The following PUS10 variants were observed in gnomAD, a reference collection of about 807,000 sequenced individuals.
PUS10 encodes pseudouridine synthase 10.
PUS10 carries 59 observed loss-of-function variants against 75.0 expected under a neutral mutation model. The ratio of observed to expected loss-of-function variants is 0.79; its 90% CI spans 0.64 to 0.98. The LOEUF is 0.98. PUS10 is among the 50% of genes least tolerant of loss of function. PUS10 has a pLI of 0.00. For missense variants in PUS10, 650 were observed against 614.4 expected (o/e 1.06, Z -0.61); for synonymous variants, 219 against 211.6 (o/e 1.03, Z -0.30).
At chr2:60,975,842 CCCT>C (rs1281170576) in intron 4 of PUS10, among the ~76,000 whole-genome samples, 3 of 151,846 alleles carry the variant, frequency 2.0e-5, no homozygotes, top group Non-Finnish European at 4.4e-5. Context: ...GCTCACTGCA[CCCT>C]CCTCCTCCCC....
intron 4 of PUS10, among the ~76,000 whole-genome samples, chr2:60,978,070 G>A (rs1031333342): frequency 6.6e-6 from 1 of 152,020 alleles, no homozygotes; most frequent in African/African-American, 2.4e-5. Context: ...AAGGATCCTC[G>A]GCTCAGTCTT....
intron 4 of PUS10, among the ~76,000 whole-genome samples, chr2:61,005,305 AC>A (rs368409391): frequency 1.3e-5 from 2 of 152,308 alleles, no homozygotes; most frequent in African/African-American, 4.8e-5. Flanking sequence ...TGTTTCTAAT[AC>A]GGAATATAAA....
intron 4 of PUS10, among the ~76,000 whole-genome samples, chr2:60,989,808 A>G (rs1163347944): frequency 6.6e-6 from 1 of 152,082 alleles, no homozygotes; most frequent in East Asian, 1.9e-4. Flanking sequence ...TATTTTTAGT[A>G]GAGATGGGCT....
intron 4 of PUS10, among the ~76,000 whole-genome samples, chr2:60,987,582 T>C (rs1354176447): frequency 1.3e-5 from 2 of 152,302 alleles, no homozygotes; most frequent in South Asian, 4.1e-4. Context: ...GGCAATGTGA[T>C]GAGCTATTCA....
Position 61,011,785 on chromosome 2 carries a change from G to A in PUS10, c.106C>T (p.Pro36Ser). The change falls in exon 2 of 18, where the codon CCT becomes TCT. Residue 36 changes from proline (P) to serine (S), a missense_variant. Physicochemically the swap from Pro to Ser is moderately conservative, Grantham distance 74. Transcript: ENST00000316752. ...FRFCGVDFHAPYKLPYKELLN... is the reference protein window; with the variant it reads ...FRFCGVDFHASYKLPYKELLN... ...AATACCTTGTATGGAAGTTTGTAAGGTGCATGAAAATCCACACCACAGAAT... is the reference window on the plus strand; with the variant it reads ...AATACCTTGTATGGAAGTTTGTAAGATGCATGAAAATCCACACCACAGAAT... The A allele has an allele frequency of 6.2e-7, 1 of 1,600,788 alleles. No homozygotes were observed. Among genetic ancestry groups the A allele is most frequent in the Non-Finnish European group, 8.5e-7 (1 of 1,173,954 alleles).
intron 1 of PUS10, chr2:61,017,763 G>A (rs1258736139): frequency 1.9e-6 from 3 of 1,549,322 alleles, no homozygotes; most frequent in East Asian, 2.4e-5. Flanking sequence ...GGAGGAGATG[G>A]CGTCCCAGCC....
In PUS10 at chr2:60,955,024, C is replaced by A. The variant is rs1675562271; in HGVS notation, c.1051G>T (p.Gly351Ter). Residue 351 changes from glycine to a stop codon, truncating the protein, a stop_gained, in exon 12 of 18, where the codon GGA becomes TGA. Transcript: ENST00000316752. LOFTEE classifies it high-confidence loss of function. ...GATGCTGTTGCAGTCTTACCATTTC[C>A]TAATGTTCTCACATCTACATCTTCT... is the stretch of plus-strand genomic sequence containing the variant. ...GREDVDVRTL[G>*]NGRPFAIELV... 2 of 1,582,848 alleles carry A rather than the reference C, an allele frequency of 1.3e-6. No homozygotes were observed. The highest frequency in any genetic ancestry group is 2.3e-5 in the East Asian group (1 of 43,788).
intron 4 of PUS10, among the ~76,000 whole-genome samples, chr2:60,988,470 A>G (rs1160365131): frequency 2.0e-5 from 3 of 152,200 alleles, no homozygotes; most frequent in Non-Finnish European, 1.5e-5. Flanking sequence ...AAAAAAAAAC[A>G]ATATAGTACA....
intron 4 of PUS10, among the ~76,000 whole-genome samples, chr2:60,997,327 G>T (rs549893491): frequency 6.6e-6 from 1 of 152,248 alleles, no homozygotes; most frequent in Non-Finnish European, 1.5e-5. Flanking sequence ...AGGACTTAGT[G>T]GGGCCAGGCG....
At chr2:60,948,444 T>C (rs1675126072) in intron 15 of PUS10, among the ~76,000 whole-genome samples, 1 of 152,200 alleles carries the variant, frequency 6.6e-6, no homozygotes, top group Non-Finnish European at 1.5e-5. Flanking sequence ...GCCAGGCTAA[T>C]CTCCAACTCC....
intron 3 of PUS10, 23 bp from the exon 4 acceptor site, chr2:61,006,666 T>C: frequency 6.4e-7 from 1 of 1,573,026 alleles, no homozygotes. Flanking sequence ...TACAATTATG[T>C]AAATTCCCAG....
intron 1 of PUS10, 118 bp downstream of exon 1, chr2:61,017,890 C>T (rs755585555): frequency 1.7e-5 from 26 of 1,534,688 alleles, no homozygotes; most frequent in Non-Finnish European, 2.2e-5. Flanking sequence ...TTTAGTGGGC[C>T]CGAGCGGGGA....
chr2:61,016,843 G>A lies in PUS10; in HGVS notation c.-16+1165C>T, dbSNP rs1481473925. Among the ~76,000 whole-genome samples, 4 of 152,140 alleles carry A rather than the reference G, an allele frequency of 2.6e-5. No individual in the cohort carries two copies. In the East Asian group the frequency reaches 7.7e-4, roughly 29 times the overall value. On this transcript the variant is annotated intron_variant, in intron 1 of 17. Coordinates refer to ENST00000316752, the MANE Select transcript of PUS10 (RefSeq NM_144709.4). ...TTTTAAAACTCATTTCCCTACCGAAGGGTGTCATTCGTAACGCGGCGTGGG... is the reference window on the plus strand; with the variant it reads ...TTTTAAAACTCATTTCCCTACCGAAAGGTGTCATTCGTAACGCGGCGTGGG...
intron 4 of PUS10, among the ~76,000 whole-genome samples, chr2:60,984,863 G>A (rs1677619703): frequency 6.6e-6 from 1 of 152,088 alleles, no homozygotes; most frequent in African/African-American, 2.4e-5. Flanking sequence ...GTACATGCAG[G>A]TATACGTTAA....
chr2:61,013,130 G>A (rs754428514), intron 1 of PUS10, among the ~76,000 whole-genome samples: 18 of 151,794 alleles, frequency 1.2e-4, no homozygotes, highest in Non-Finnish European at 1.5e-4. Flanking sequence ...GTACACACCT[G>A]TATTCCCAGC....
intron 4 of PUS10, among the ~76,000 whole-genome samples, chr2:60,973,289 C>T (rs1228974575): frequency 6.6e-6 from 1 of 152,254 alleles, no homozygotes; most frequent in African/African-American, 2.4e-5. Flanking sequence ...AAGAGGCAGG[C>T]AGTCCCTGGA....
chr2:60,952,820 G>A (rs1469533925), intron 15 of PUS10, among the ~76,000 whole-genome samples, 177 bp downstream of exon 15: 1 of 152,200 alleles, frequency 6.6e-6, no homozygotes, highest in South Asian at 2.1e-4. Flanking sequence ...CGCTCCAGGG[G>A]GTTAGATGAA....
At chr2:60,948,327 A>G in intron 15 of PUS10, 142 bp from the exon 16 acceptor site, 1 of 772,994 alleles carries the variant, frequency 1.3e-6, no homozygotes, top group Non-Finnish European at 2.2e-6. Flanking sequence ...CCTTAGGTTC[A>G]AACTCTGTGG....
chr2:60,984,470 C>G (rs1025461791), intron 4 of PUS10, among the ~76,000 whole-genome samples: 3 of 152,314 alleles, frequency 2.0e-5, no homozygotes, highest in Non-Finnish European at 4.4e-5. Context: ...CTGCTGTAAA[C>G]TGGTACCACC....
Sources: gnomAD v4.1 joint callset for allele counts (sites outside exome capture counted in the v4.1 genomes callset) on GRCh38, gnomAD v4.1.1 for gene constraint, MANE v1.5 for transcripts, NCBI Gene and HGNC (gene_info 2026-07-23, HGNC 2026-07-21) for gene names.